The following LPAR1 variants were observed in gnomAD, a reference collection of about 807,000 sequenced individuals.
LPAR1 encodes the protein lysophosphatidic acid receptor 1.
Under a neutral mutation model 23.8 loss-of-function variants are expected in LPAR1, and 5 were observed. The ratio of observed to expected loss-of-function variants is 0.21; its 90% confidence interval spans 0.11 to 0.44. The LOEUF is 0.44. LPAR1 is among the 20% of genes least tolerant of loss of function. The probability of loss-of-function intolerance (pLI) is 0.99; values close to 1 mark genes in which losing one functional copy is unlikely to be tolerated. For synonymous variants in LPAR1, 160 were observed against 164.7 expected (o/e 0.97, Z 0.22); for missense variants, 311 against 482.8 (o/e 0.64, Z 3.33).
Position 110,972,091 on chromosome 9 carries a change from A to C in LPAR1, c.27T>G (p.Pro9=). Residue 9 remains proline, a synonymous_variant, in exon 4 of 6, where the codon CCT becomes CCG. Transcript: ENST00000683809. ...CCCTTACCTGGGGCTGTGAAATTAC[A>C]GGGATGGAAGTAGAGATGGCAGCCA... MAAISTSI[P]VISQPQFTAM... is the part of the protein sequence containing the mutation. 6.2e-7 allele frequency: 1 copy of C among 1,613,964 alleles called. No homozygotes were observed. Among genetic ancestry groups the C allele is most frequent in the Non-Finnish European group, 8.5e-7 (1 of 1,179,866 alleles).
chr9:111,034,693 C>T (rs1243530530), intron 2 of LPAR1, among the ~76,000 whole-genome samples: 2 of 152,098 alleles, frequency 1.3e-5, no homozygotes, highest in Non-Finnish European at 2.9e-5. Flanking sequence ...AAGCCCAGTC[C>T]TCCATCCATC....
chr9:110,973,091 T>C (rs1442026009), intron 3 of LPAR1, among the ~76,000 whole-genome samples: 1 of 152,186 alleles, frequency 6.6e-6, no homozygotes, highest in African/African-American at 2.4e-5. Flanking sequence ...ATGGACAGTA[T>C]GAGATTTCAC....
At chr9:110,901,578 T>A (rs1050117337) in intron 5 of LPAR1, among the ~76,000 whole-genome samples, 1 of 152,006 alleles carries the variant, frequency 6.6e-6, no homozygotes, top group African/African-American at 2.4e-5. Context: ...AACCAACAGA[T>A]CTCGTGAGAC....
chr9:110,925,325 T>C (rs2093931133), intron 5 of LPAR1, among the ~76,000 whole-genome samples: 1 of 151,896 alleles, frequency 6.6e-6, no homozygotes, highest in Middle Eastern at 3.4e-3. Flanking sequence ...GGTCCGTGTA[T>C]CCAAGATGCT....
chr9:110,935,462 A>T (rs1326957530), intron 5 of LPAR1, among the ~76,000 whole-genome samples: 2 of 151,964 alleles, frequency 1.3e-5, no homozygotes, highest in Non-Finnish European at 1.5e-5. Flanking sequence ...TCCAGTGTTG[A>T]GAGCTGCATT....
intron 2 of LPAR1, among the ~76,000 whole-genome samples, chr9:110,994,434 T>A (rs190351006): frequency 3.3e-5 from 5 of 152,196 alleles, no homozygotes; most frequent in South Asian, 2.1e-4. Context: ...GATAATTAGA[T>A]GATAGTAAGA....
intron 2 of LPAR1, among the ~76,000 whole-genome samples, chr9:111,001,543 A>G (rs1395936018): frequency 6.6e-6 from 1 of 152,204 alleles, no homozygotes; most frequent in Non-Finnish European, 1.5e-5. Flanking sequence ...AAGGAAAAAT[A>G]TACCTAATCA....
intron 5 of LPAR1, among the ~76,000 whole-genome samples, chr9:110,884,598 A>T (rs2081855547): frequency 6.6e-6 from 1 of 152,322 alleles, no homozygotes; most frequent in Non-Finnish European, 1.5e-5. Context: ...CTAGGCCATT[A>T]ACCAAATATT....
chr9:111,019,498 T>C (rs905545054), intron 2 of LPAR1, among the ~76,000 whole-genome samples: 5 of 152,124 alleles, frequency 3.3e-5, no homozygotes, highest in Non-Finnish European at 7.4e-5. Flanking sequence ...TGATAGTGTG[T>C]GTTTTCTGCT....
At chr9:111,021,163 A>C (rs1289759971) in intron 2 of LPAR1, among the ~76,000 whole-genome samples, 1 of 152,242 alleles carries the variant, frequency 6.6e-6, no homozygotes, top group Non-Finnish European at 1.5e-5. Context: ...GATGCTGGTC[A>C]AAGGGTACAA....
chr9:110,968,152 T>C (rs568259215), intron 4 of LPAR1, among the ~76,000 whole-genome samples: 11 of 152,332 alleles, frequency 7.2e-5, no homozygotes, highest in African/African-American at 2.6e-4. Flanking sequence ...CAATGTTAAA[T>C]TCATTAATAC....
chr9:110,915,448 C>G (rs1406941041), intron 5 of LPAR1, among the ~76,000 whole-genome samples: 1 of 152,026 alleles, frequency 6.6e-6, no homozygotes, highest in African/African-American at 2.4e-5. Context: ...GATGCAGAAG[C>G]AGAAGAAGAA....
chr9:110,923,616 T>C lies in LPAR1; in HGVS notation c.793+17805A>G, dbSNP rs73655679. Among the ~76,000 whole-genome samples, 544 of 152,356 alleles carry C rather than the reference T, an allele frequency of 3.6e-3. 3 individuals are homozygous for C. The highest frequency in any genetic ancestry group is 0.012 in the African/African-American group (506 of 41,586). On this transcript the variant is annotated intron_variant, in intron 5 of 5. Transcript: ENST00000683809. ...ATATTTTCAATTTACGATGGATTTA[T>C]GGAGATGTAACCCCACCGCTAAGTC...
At chr9:110,943,019 T>TTAA in intron 4 of LPAR1, among the ~76,000 whole-genome samples, 1 of 121,050 alleles carries the variant, frequency 8.3e-6, no homozygotes, top group African/African-American at 3.1e-5. Flanking sequence ...ATTTACAATA[T>TTAA]TTATAATAAT....
intron 5 of LPAR1, among the ~76,000 whole-genome samples, chr9:110,900,215 C>T (rs1211454956): frequency 6.6e-6 from 1 of 152,104 alleles, no homozygotes; most frequent in Non-Finnish European, 1.5e-5. Flanking sequence ...TCTTCAGGAT[C>T]CAGGGAAGAA....
intron 5 of LPAR1, among the ~76,000 whole-genome samples, chr9:110,899,200 A>G (rs1423731551): frequency 6.6e-6 from 1 of 152,244 alleles, no homozygotes; most frequent in Non-Finnish European, 1.5e-5. Context: ...TGAAATCATT[A>G]GGAAGCTTCA....
chr9:110,985,431 TC>T (rs80321605), intron 2 of LPAR1, among the ~76,000 whole-genome samples: 98,580 of 151,834 alleles, frequency 0.65, 32,467 homozygotes, highest in Admixed American at 0.71. Context: ...TATCATTTTT[TC>T]TACAGGGCAC....
rs34552953 is a variant in LPAR1 at position 110,947,205 on chromosome 9, C to T, written c.46-5037G>A. ...AGAAATTTTGGGAAGAACAAAAATA[C>T]ACTCATACAAAGTCCAATAAGTACT... On this transcript the variant is annotated intron_variant, in intron 4 of 5. Coordinates refer to ENST00000683809, the MANE Select transcript of LPAR1 (RefSeq NM_001351411.2). Among the ~76,000 whole-genome samples the T allele has an allele frequency of 8.8e-3, 1,341 of 152,068 alleles. 23 individuals carry two copies. Among genetic ancestry groups the T allele is most frequent in the African/African-American group, 0.031 (1,268 of 41,476 alleles).
chr9:111,030,045 C>CAAAAA (rs56962960), intron 2 of LPAR1, among the ~76,000 whole-genome samples: 5 of 75,220 alleles, frequency 6.6e-5, no homozygotes, highest in African/African-American at 2.6e-4. Flanking sequence ...GGCTCTGCCT[C>CAAAAA]AAAAAAAAAA....
Sources: gnomAD v4.1 joint callset for allele counts (sites outside exome capture counted in the v4.1 genomes callset) on GRCh38, gnomAD v4.1.1 for gene constraint, MANE v1.5 for transcripts, NCBI Gene and HGNC (gene_info 2026-07-23, HGNC 2026-07-21) for gene names.